NUDT7: variants seen among roughly 807,000 people sequenced by gnomAD.
NUDT7 encodes the protein peroxisomal coenzyme A diphosphatase NUDT7.
A neutral mutation model predicts 13.1 loss-of-function variants in NUDT7; 19 were observed. The ratio of observed to expected loss-of-function variants is 1.45; its 90% CI spans 1.01 to 2.13. NUDT7 has a LOEUF of 2.13. Ranked by LOEUF, NUDT7 falls within the 30% of genes most tolerant of loss-of-function variation. The pLI is 0.00. For synonymous variants in NUDT7, 132 were observed against 109.7 expected (o/e 1.20, Z -1.27); for missense variants, 360 against 291.7 (o/e 1.23, Z -1.71).
chr16:77,741,690 C>T lies in NUDT7; in HGVS notation c.457C>T (p.Leu153=). 2 of 1,614,176 alleles carry T rather than the reference C, an allele frequency of 1.2e-6. No individual in the cohort carries two copies. The highest frequency in any genetic ancestry group is 1.7e-6 in the Non-Finnish European group (2 of 1,180,034). The change falls in exon 4 of 4, where the codon CTG becomes TTG. Residue 153 remains leucine, a synonymous_variant. Transcript: ENST00000268533. The stretch of plus-strand genomic sequence containing the variant: ...ATTCCTGGTGCCTCTGGCCTATTTC[C>T]TGCATCCACAGGTCCATGACCAGCA... The part of the protein sequence containing the change: ...DVFLVPLAYF[L]HPQVHDQHYV...
chr16:77,732,871 G>A (rs925592996), intron 2 of NUDT7, among the ~76,000 whole-genome samples: 2 of 152,166 alleles, frequency 1.3e-5, no homozygotes, highest in South Asian at 2.1e-4. Flanking sequence ...GTTTGTCCCT[G>A]GCTGCCTTGG....
chr16:77,726,132 C>T lies in NUDT7; in HGVS notation c.189+548C>T, dbSNP rs143585302. On this transcript the variant is annotated intron_variant, in intron 2 of 3. Coordinates refer to ENST00000268533, the MANE Select transcript of NUDT7 (RefSeq NM_001105663.3). Reference sequence around the variant, plus strand: ...GAAAATACTAGAGCATAGAAGTTAACGGCCTAGGCTCTAAAGCTAGCTGTC... The same window carrying T: ...GAAAATACTAGAGCATAGAAGTTAATGGCCTAGGCTCTAAAGCTAGCTGTC... Among the ~76,000 whole-genome samples, 190 of 152,322 alleles carry T rather than the reference C, an allele frequency of 1.2e-3. 2 individuals carry two copies. The highest frequency in any genetic ancestry group is 2.4e-3 in the Non-Finnish European group (162 of 68,028).
intron 2 of NUDT7, among the ~76,000 whole-genome samples, chr16:77,729,432 C>T (rs74665363): frequency 0.089 from 13,539 of 152,094 alleles, 661 homozygotes; most frequent in East Asian, 0.14. Context: ...CACATAGTAA[C>T]ATATTACTAT....
chr16:77,727,434 C>T (rs915759137), intron 2 of NUDT7, among the ~76,000 whole-genome samples: 8 of 152,142 alleles, frequency 5.3e-5, no homozygotes, highest in Non-Finnish European at 1.0e-4. Context: ...GCAGAAATGC[C>T]GTGAACTCAG....
At chr16:77,726,665 C>T (rs1359212202) in intron 2 of NUDT7, among the ~76,000 whole-genome samples, 2 of 152,194 alleles carry the variant, frequency 1.3e-5, no homozygotes, top group East Asian at 1.9e-4. Context: ...GGCATGGTGG[C>T]ACACACCTGT....
chr16:77,725,995 C>T (rs1428878323), intron 2 of NUDT7, among the ~76,000 whole-genome samples: 2 of 152,210 alleles, frequency 1.3e-5, no homozygotes, highest in African/African-American at 2.4e-5. Context: ...GCCAGTAGCA[C>T]ACACACCACA....
intron 1 of NUDT7, among the ~76,000 whole-genome samples, chr16:77,723,793 T>C (rs1161187410): frequency 6.6e-6 from 1 of 152,032 alleles, no homozygotes; most frequent in Non-Finnish European, 1.5e-5. Context: ...GGTTTTACCA[T>C]GTTGGCCAGG....
At chr16:77,723,735 G>A (rs1408559439) in intron 1 of NUDT7, among the ~76,000 whole-genome samples, 1 of 151,830 alleles carries the variant, frequency 6.6e-6, no homozygotes, top group African/African-American at 2.4e-5. Context: ...GGGATTACAG[G>A]CATGTGCCAC....
intron 2 of NUDT7, among the ~76,000 whole-genome samples, chr16:77,734,853 A>G (rs2014429176): frequency 6.6e-6 from 1 of 152,164 alleles, no homozygotes; most frequent in South Asian, 2.1e-4. Context: ...GAGGGGAATG[A>G]GAATCAACTG....
At position 77,741,796 on chromosome 16, in the gene NUDT7, T is replaced by G; in HGVS notation, c.563T>G (p.Ile188Ser). The G allele has an allele frequency of 6.2e-7, 1 of 1,614,140 alleles. No individual in the cohort carries two copies. The change falls in exon 4 of 4, where the codon ATC (isoleucine) becomes AGC (serine). Residue 188 changes from isoleucine (I) to serine (S), a missense_variant. Physicochemically the swap from Ile to Ser is moderately radical, Grantham distance 142 (BLOSUM62 -2). Transcript: ENST00000268533. ...CCTGAAGACGGTGTCACTTACCAGA[T>G]CAAGGGAATGACGGCAAACCTTGCA... ...TNPEDGVTYQ[I>S]KGMTANLAVL...
chr16:77,736,031 G>A (rs746469102), intron 3 of NUDT7, 45 bp downstream of exon 3: 1 of 1,570,226 alleles, frequency 6.4e-7, no homozygotes. Flanking sequence ...CCCACCCCCA[G>A]GTGGATCTAC....
chr16:77,742,211 G>T lies in NUDT7; in HGVS notation c.*261G>T. 1 of 945,956 alleles carries T rather than the reference G, an allele frequency of 1.1e-6. No homozygotes were observed. 58.6% of individuals were successfully genotyped at this position (945,956 alleles called of 1,614,324 possible). ...ATATTTTTCTTACACATATAATAAAGAATATCTGGCACATACTAGGCCCTT... is the reference window on the plus strand; with the variant it reads ...ATATTTTTCTTACACATATAATAAATAATATCTGGCACATACTAGGCCCTT... On this transcript the variant is annotated 3_prime_UTR_variant, in exon 4 of 4. Coordinates refer to ENST00000268533, the MANE Select transcript of NUDT7 (RefSeq NM_001105663.3).
At chr16:77,730,452 CTTCT>C (rs1247638653) in intron 2 of NUDT7, among the ~76,000 whole-genome samples, 1 of 152,030 alleles carries the variant, frequency 6.6e-6, no homozygotes, top group African/African-American at 2.4e-5. Flanking sequence ...ACAGGATTTC[CTTCT>C]TTTTTATGAC....
In NUDT7 at chr16:77,725,592, G is replaced by A. The variant is rs1455799631; in HGVS notation, c.189+8G>A. 1 of 1,611,720 alleles carries A rather than the reference G, an allele frequency of 6.2e-7. No homozygotes were observed. The highest frequency in any genetic ancestry group is 1.1e-5 in the South Asian group (1 of 90,420). On this transcript the variant is annotated splice_region_variant and intron_variant, in intron 2 of 3. Coordinates refer to ENST00000268533, the MANE Select transcript of NUDT7 (RefSeq NM_001105663.3). ...ACCGTCCGGTCAGAGAAGGTAGGTG[G>A]ACAAAAAATTTCCTGCCCTTAAACC... is the stretch of plus-strand genomic sequence containing the variant.
In NUDT7 at chr16:77,722,615, C is replaced by G; in HGVS notation, c.33C>G (p.Val11=). 1.3e-6 allele frequency: 2 copies of G among 1,593,676 alleles called. No homozygotes were observed. The highest frequency in any genetic ancestry group is 1.7e-6 in the Non-Finnish European group (2 of 1,169,496). ...GACTTGGTCTTCCCGAGGAGCCAGT[C>G]AGGTAAAGGCTTTCCGGGCCCTGGC... MSRLGLPEEP[V]RNSLLDDAKA... Residue 11 remains valine (V), a splice_region_variant and synonymous_variant, in exon 1 of 4, where the codon GTC becomes GTG. Transcript: ENST00000268533.
At position 77,741,831 on chromosome 16, in the gene NUDT7, G is replaced by A. The variant is rs2014676199; in HGVS notation, c.598G>A (p.Ala200Thr). ...GMTANLAVLV[A>T]FIILEKKPTF... ...GACGGCAAACCTTGCAGTGTTGGTG[G>A]CCTTTATCATTTTGGAAAAAAAACC... Residue 200 changes from alanine to threonine, a missense_variant, in exon 4 of 4, where the codon GCC becomes ACC. Transcript: ENST00000268533. 3 of 1,614,030 alleles carry A rather than the reference G, an allele frequency of 1.9e-6. No individual in the cohort carries two copies. The highest frequency in any genetic ancestry group is 2.2e-5 in the South Asian group (2 of 91,074).
chr16:77,739,223 A>C (rs1431602701), intron 3 of NUDT7, among the ~76,000 whole-genome samples: 1 of 152,214 alleles, frequency 6.6e-6, no homozygotes, highest in Non-Finnish European at 1.5e-5. Flanking sequence ...AGTTTATTAG[A>C]GAAGTAAAGA....
chr16:77,735,931 G>T lies in NUDT7; in HGVS notation c.293G>T (p.Gly98Val), dbSNP rs1052613948. The T allele has an allele frequency of 5.6e-6, 9 of 1,613,850 alleles. No homozygotes were observed. The highest frequency in any genetic ancestry group is 7.6e-6 in the Non-Finnish European group (9 of 1,179,926). Reference protein sequence around the residue: ...TALREAQEEVGLRPHQVEVVC... With the variant: ...TALREAQEEVVLRPHQVEVVC... ...CTCCGGGAAGCCCAGGAGGAAGTGG[G>T]TCTCCGTCCTCACCAAGTGGAAGTT... The change falls in exon 3 of 4, where the codon GGT becomes GTT. Residue 98 changes from glycine (G) to valine (V), a missense_variant. Transcript: ENST00000268533.
At position 77,735,968 on chromosome 16, in the gene NUDT7, G is replaced by A. The variant is rs2014470482; in HGVS notation, c.330G>A (p.Leu110=). The A allele has an allele frequency of 5.0e-6, 8 of 1,614,050 alleles. No homozygotes were observed. The African/African-American group carries it at 6.7e-5, about 13-fold the overall frequency. ...ACCAAGTGGAAGTTGTCTGCTGCCT[G>A]GTGCCATGTCTTATTGATGTAAGGG... is the stretch of plus-strand genomic sequence containing the variant. ...RPHQVEVVCC[L]VPCLIDTDTL... The change falls in exon 3 of 4, where the codon CTG becomes CTA. Residue 110 remains leucine, a synonymous_variant. Transcript: ENST00000268533.
Sources: gnomAD v4.1 joint callset for allele counts (sites outside exome capture counted in the v4.1 genomes callset) on GRCh38, gnomAD v4.1.1 for gene constraint, MANE v1.5 for transcripts, NCBI Gene and HGNC (gene_info 2026-07-23, HGNC 2026-07-21) for gene names.